Variants in PRDM15 observed in about 807,000 individuals in gnomAD.
The protein encoded by PRDM15 is PR domain zinc finger protein 15.
A neutral mutation model predicts 128.6 loss-of-function variants in PRDM15; 64 were observed. That is an observed-to-expected ratio of 0.50 (90% confidence interval 0.41 to 0.61). The LOEUF is 0.61. Among genes scored for constraint, PRDM15 ranks in the 20% least tolerant of loss-of-function variants. The pLI, the probability that PRDM15 is intolerant of heterozygous loss-of-function variation, is 0.00. For missense variants in PRDM15, 1,242 were observed against 1,569.1 expected, an observed-to-expected ratio of 0.79 and a Z score of 3.52; for synonymous variants, 615 against 621.8, an observed-to-expected ratio of 0.99 and a Z score of 0.16.
In PRDM15 at chr21:41,805,134, G is replaced by A. The variant is rs2061522850; in HGVS notation, c.2653-520C>T. On this transcript the variant is annotated intron_variant, in intron 21 of 23. Transcript: ENST00000398548. Reference sequence around the variant, plus strand: ...TCCCTCCAATGGCCCCACTGAACGGGGTCCTCAGCACGCCCCATGTGTCCA... The same window carrying A: ...TCCCTCCAATGGCCCCACTGAACGGAGTCCTCAGCACGCCCCATGTGTCCA... Among the ~76,000 whole-genome samples, 5 of 152,122 alleles carry A rather than the reference G, an allele frequency of 3.3e-5. No individual in the cohort carries two copies. The South Asian group carries it at 1.0e-3, about 32-fold the overall frequency.
At chr21:41,845,725 G>A (rs553235013) in intron 6 of PRDM15, among the ~76,000 whole-genome samples, 4 of 152,252 alleles carry the variant, frequency 2.6e-5, no homozygotes, top group South Asian at 2.1e-4. Flanking sequence ...CGAGTACCAC[G>A]TCTTACGTAG....
intron 6 of PRDM15, among the ~76,000 whole-genome samples, chr21:41,843,107 G>T (rs1482776725): frequency 6.7e-6 from 1 of 149,262 alleles, no homozygotes. Context: ...TTTTTTGTTT[G>T]TTTTTTTGTT....
At chr21:41,806,735 C>G in intron 21 of PRDM15, among the ~76,000 whole-genome samples, 1 of 136,524 alleles carries the variant, frequency 7.3e-6, no homozygotes, top group South Asian at 2.4e-4. Flanking sequence ...ATCACCATCA[C>G]CATACCACCA....
chr21:41,806,450 AC>A (rs1439652318), intron 21 of PRDM15, among the ~76,000 whole-genome samples: 4 of 43,978 alleles, frequency 9.1e-5, no homozygotes, highest in South Asian at 6.9e-4. Context: ...CATCACCACC[AC>A]CCATCACCAT....
At chr21:41,805,994 C>CCACCACCACCACCAT (rs1568879341) in intron 21 of PRDM15, among the ~76,000 whole-genome samples, 3 of 80,756 alleles carry the variant, frequency 3.7e-5, no homozygotes, top group Non-Finnish European at 7.8e-5. Flanking sequence ...ACTATCACCA[C>CCACCACCACCACCAT]CACCACCACC....
chr21:41,851,274 T>C (rs979933480), intron 5 of PRDM15, among the ~76,000 whole-genome samples: 5 of 152,236 alleles, frequency 3.3e-5, no homozygotes, highest in Admixed American at 6.5e-5. Context: ...CAGTGAGAAC[T>C]GGGCAAGCGG....
At chr21:41,878,563 G>T (rs2064506205) in intron 1 of PRDM15, 1 of 467,084 alleles carries the variant, frequency 2.1e-6, no homozygotes, top group Non-Finnish European at 3.7e-6. Context: ...GAGCGGCCGG[G>T]CACGCCCCGT....
chr21:41,871,444 C>G (rs373294486), intron 1 of PRDM15: 5 of 1,490,044 alleles, frequency 3.4e-6, no homozygotes, highest in Non-Finnish European at 4.5e-6. Flanking sequence ...AAGCCACAGG[C>G]TGTCCCTGTC....
intron 1 of PRDM15, among the ~76,000 whole-genome samples, chr21:41,869,524 A>G (rs1284592891): frequency 6.8e-6 from 1 of 147,752 alleles, no homozygotes; most frequent in Non-Finnish European, 1.5e-5. Context: ...TCGGCTCACC[A>G]CAACCTCCGC....
Position 41,828,065 on chromosome 21 carries a change from GA to G in PRDM15, c.1534+100del, listed in dbSNP as rs2062531632. ...TCCAGGCAAAGGAGCAGGCGGCACC[GA>G]ACTGCTCCCCAAAGGCCCTGCTGAC... is the stretch of plus-strand genomic sequence containing the variant. On this transcript the variant is annotated intron_variant, in intron 12 of 23. Coordinates refer to ENST00000398548, the MANE Select transcript of PRDM15 (RefSeq NM_001040424.3). This position sits in a 1 kb window ranked among gnomAD's most constrained non-coding sequence, Gnocchi z 5.7. 2.3e-6 allele frequency: 3 copies of G among 1,283,084 alleles called. No individual in the cohort carries two copies. The highest frequency in any genetic ancestry group is 3.6e-5 in the Admixed American group (2 of 55,058). The allele number at this position is 1,283,084 out of a possible 1,614,324, so 79.5% of individuals were successfully genotyped here.
chr21:41,873,460 GTA>G (rs2064287906), intron 1 of PRDM15, among the ~76,000 whole-genome samples: 1 of 152,078 alleles, frequency 6.6e-6, no homozygotes, highest in Admixed American at 6.5e-5. Context: ...GATGCATCTG[GTA>G]TCTTTCCTGC....
intron 11 of PRDM15, chr21:41,834,408 C>A: frequency 8.7e-7 from 1 of 1,150,828 alleles, no homozygotes; most frequent in Admixed American, 2.0e-5. Context: ...CTGTTCTCAA[C>A]ACAGGGGCGG....
At chr21:41,878,783 C>A in intron 1 of PRDM15, 5 of 1,425,732 alleles carry the variant, frequency 3.5e-6, no homozygotes, top group Non-Finnish European at 4.6e-6. Context: ...CGGGGGATAA[C>A]GACATCCCCT....
intron 1 of PRDM15, among the ~76,000 whole-genome samples, chr21:41,874,157 A>G (rs897496435): frequency 6.6e-6 from 1 of 151,516 alleles, no homozygotes; most frequent in Non-Finnish European, 1.5e-5. Flanking sequence ...TGTTTGCTTA[A>G]TTTAAAAAAA....
chr21:41,806,717 T>C (rs1360837255), intron 21 of PRDM15, among the ~76,000 whole-genome samples: 2 of 58,264 alleles, frequency 3.4e-5, no homozygotes, highest in African/African-American at 7.7e-5. Context: ...ACCACCAACA[T>C]CACCACCATC....
chr21:41,845,945 C>A (rs1055908622), intron 6 of PRDM15, among the ~76,000 whole-genome samples: 1 of 152,016 alleles, frequency 6.6e-6, no homozygotes, highest in Non-Finnish European at 1.5e-5. Flanking sequence ...ACAAACGCGG[C>A]GTTTCTAGAA....
intron 8 of PRDM15, among the ~76,000 whole-genome samples, chr21:41,837,479 T>C (rs1318494597): frequency 6.6e-6 from 1 of 152,004 alleles, no homozygotes; most frequent in African/African-American, 2.4e-5. Context: ...AAGACATCTC[T>C]AGAGTCATCA....
At chr21:41,863,638 C>CA (rs1395278182) in intron 1 of PRDM15, among the ~76,000 whole-genome samples, 1 of 152,098 alleles carries the variant, frequency 6.6e-6, no homozygotes, top group African/African-American at 2.4e-5. Flanking sequence ...GGGGTGACTT[C>CA]AGGTTCCTTA....
chr21:41,874,144 CTG>C (rs1238485334), intron 1 of PRDM15, among the ~76,000 whole-genome samples: 5 of 150,520 alleles, frequency 3.3e-5, no homozygotes, highest in Non-Finnish European at 7.4e-5. Flanking sequence ...ACTGGCTGTC[CTG>C]TGTTTGCTTA....
Sources: gnomAD v4.1 joint callset for allele counts (sites outside exome capture counted in the v4.1 genomes callset) on GRCh38, gnomAD v4.1.1 for gene constraint, Gnocchi (gnomAD v3.1) non-coding constraint, MANE v1.5 for transcripts, NCBI Gene and HGNC (gene_info 2026-07-23, HGNC 2026-07-21) for gene names.